Variants in KLHL14 observed in about 807,000 individuals in gnomAD.
The protein encoded by KLHL14 is kelch like family member 14, also known as kelch-like protein 14.
A neutral mutation model predicts 64.3 loss-of-function variants in KLHL14; 22 were observed. The ratio of observed to expected loss-of-function variants is 0.34; its 90% CI spans 0.24 to 0.49. The LOEUF (loss-of-function observed/expected upper bound fraction) is 0.49, where lower values mean the gene tolerates loss of function less well. Ranked by LOEUF, KLHL14 falls within the 20% of genes least tolerant of loss-of-function variation. The pLI is 0.99. For synonymous variants in KLHL14, 322 were observed against 333.4 expected (o/e 0.97, Z 0.37); for missense variants, 661 against 789.0 (o/e 0.84, Z 1.94).
At chr18:32,716,673 C>G (rs1239832873) in intron 3 of KLHL14, among the ~76,000 whole-genome samples, 1 of 152,170 alleles carries the variant, frequency 6.6e-6, no homozygotes, top group Non-Finnish European at 1.5e-5. Flanking sequence ...CCCACCTCGG[C>G]CTCCCAAAGT....
chr18:32,759,220 A>G (rs549763243), intron 2 of KLHL14, among the ~76,000 whole-genome samples: 12 of 152,322 alleles, frequency 7.9e-5, no homozygotes, highest in African/African-American at 2.4e-4. Flanking sequence ...CTTGGGATCT[A>G]TATATCACTC....
intron 3 of KLHL14, among the ~76,000 whole-genome samples, chr18:32,741,629 AC>A (rs1284144614): frequency 6.6e-6 from 1 of 152,226 alleles, no homozygotes; most frequent in Non-Finnish European, 1.5e-5. Flanking sequence ...AACAAAAAGA[AC>A]AGAAGAATTT....
Position 32,769,910 on chromosome 18 carries a change from G to A in KLHL14, c.682C>T (p.Leu228=). 6.2e-7 allele frequency: 1 copy of A among 1,614,178 alleles called. No individual in the cohort carries two copies. The highest frequency in any genetic ancestry group is 8.5e-7 in the Non-Finnish European group (1 of 1,180,052). The stretch of plus-strand genomic sequence containing the variant: ...AGCTCCGACTCCACGGGGGGCGGCA[G>A]CGAGTCCAGCAGGGCGCGCATCTCC... ...FEEMRALLDS[L]PPPVESELAL... The change falls in exon 2 of 9, where the codon CTG becomes TTG. Residue 228 remains leucine, a synonymous_variant. Coordinates refer to ENST00000359358, the MANE Select transcript of KLHL14 (RefSeq NM_020805.3).
Position 32,714,972 on chromosome 18 carries a change from C to T in KLHL14, c.1070-19420G>A, listed in dbSNP as rs562991087. Among the ~76,000 whole-genome samples, 8 of 151,664 alleles carry T rather than the reference C, an allele frequency of 5.3e-5. No individual in the cohort carries two copies. In the South Asian group the frequency reaches 6.3e-4, roughly 12 times the overall value. On this transcript the variant is annotated intron_variant, in intron 3 of 8. Coordinates refer to ENST00000359358, the MANE Select transcript of KLHL14 (RefSeq NM_020805.3). ...TTGACTCTACTCTTCCTTAGTATAC[C>T]AAATATTTGAGCTGGACCAAAATCT...
At chr18:32,682,162 T>C (rs1358601049) in intron 5 of KLHL14, among the ~76,000 whole-genome samples, 5 of 152,244 alleles carry the variant, frequency 3.3e-5, no homozygotes, top group Non-Finnish European at 5.9e-5. Context: ...TTTGTTTAGA[T>C]AATTTGTTAC....
chr18:32,741,820 C>CA, intron 3 of KLHL14, 108 bp downstream of exon 3: 2 of 1,258,154 alleles, frequency 1.6e-6, no homozygotes, highest in Non-Finnish European at 2.1e-6. Flanking sequence ...CAAAGGGGAA[C>CA]AAATCAATAA....
intron 4 of KLHL14, among the ~76,000 whole-genome samples, chr18:32,691,079 A>G (rs1447942826): frequency 6.6e-6 from 1 of 152,192 alleles, no homozygotes; most frequent in African/African-American, 2.4e-5. Flanking sequence ...TCTTACGTCA[A>G]GTTCCAAGGT....
Position 32,677,242 on chromosome 18 carries a change from A to G in KLHL14, c.1677T>C (p.Gly559=), listed in dbSNP as rs774399370. ...WNILQTPILE[G]RSGPGCAVLD... is the part of the protein sequence containing the mutation. ...GCACTGCACAGCCAGGGCCACTTCG[A>G]CCCTCCAAAATGGGAGTTTGGAGTA... The change falls in exon 8 of 9, where the codon GGT becomes GGC. Residue 559 remains glycine (G), a synonymous_variant. Transcript: ENST00000359358. 2 of 1,613,466 alleles carry G rather than the reference A, an allele frequency of 1.2e-6. No individual in the cohort carries two copies. The highest frequency in any genetic ancestry group is 1.3e-5 in the African/African-American group (1 of 74,860).
intron 1 of KLHL14, chr18:32,771,008 T>A (rs766451329): frequency 2.5e-6 from 1 of 392,724 alleles, no homozygotes. Context: ...AGGCACCTCG[T>A]GGGCTCGTGT....
At chr18:32,769,542 G>A (rs974266847) in intron 2 of KLHL14, 103 bp downstream of exon 2, 2 of 1,040,180 alleles carry the variant, frequency 1.9e-6, no homozygotes, top group Admixed American at 3.0e-5. Context: ...AGAGCCACCC[G>A]CCCAGGCCAC....
At chr18:32,717,549 G>A (rs899424729) in intron 3 of KLHL14, among the ~76,000 whole-genome samples, 13 of 152,122 alleles carry the variant, frequency 8.5e-5, no homozygotes, top group African/African-American at 3.1e-4. Context: ...GCCAAGGATT[G>A]GGCATACGTA....
chr18:32,694,310 A>G (rs897840938), intron 4 of KLHL14, among the ~76,000 whole-genome samples: 8 of 152,242 alleles, frequency 5.3e-5, no homozygotes, highest in Non-Finnish European at 1.0e-4. Flanking sequence ...CTAAAGAAGG[A>G]TAAGTTAAAT....
At chr18:32,694,325 A>C (rs2049926886) in intron 4 of KLHL14, among the ~76,000 whole-genome samples, 1 of 152,234 alleles carries the variant, frequency 6.6e-6, no homozygotes, top group Non-Finnish European at 1.5e-5. Flanking sequence ...TTAAATAGTA[A>C]ATGAGGAGTT....
intron 3 of KLHL14, among the ~76,000 whole-genome samples, chr18:32,719,990 G>C (rs1345346115): frequency 2.6e-5 from 4 of 152,178 alleles, no homozygotes; most frequent in African/African-American, 9.7e-5. Flanking sequence ...TTAATAATGT[G>C]GGCCATGTCG....
At chr18:32,703,315 A>T (rs1326586038) in intron 3 of KLHL14, among the ~76,000 whole-genome samples, 2 of 152,232 alleles carry the variant, frequency 1.3e-5, no homozygotes. Context: ...ATGCTAGCTA[A>T]GAGACTATGG....
chr18:32,693,413 C>CACACACAG (rs1229737083), intron 4 of KLHL14, among the ~76,000 whole-genome samples: 17 of 97,032 alleles, frequency 1.8e-4, no homozygotes, highest in African/African-American at 7.7e-4. Context: ...CACACACACA[C>CACACACAG]AGAGAGAGAG....
chr18:32,769,555 A>C (rs2050365416), intron 2 of KLHL14, 90 bp downstream of exon 2: 30 of 956,334 alleles, frequency 3.1e-5, no homozygotes, highest in East Asian at 1.6e-4. Context: ...CAGGCCACCC[A>C]TCTCTTCCCT....
intron 2 of KLHL14, among the ~76,000 whole-genome samples, chr18:32,756,040 A>C (rs1325156339): frequency 1.3e-5 from 2 of 152,160 alleles, no homozygotes. Flanking sequence ...TTTGTTACGG[A>C]CCAAACTGTG....
intron 8 of KLHL14, among the ~76,000 whole-genome samples, chr18:32,675,825 A>G (rs116254361): frequency 0.013 from 2,048 of 152,316 alleles, 50 homozygotes; most frequent in African/African-American, 0.046. Flanking sequence ...CAAGCAAACA[A>G]GTGCACATAT....
Sources: gnomAD v4.1 joint callset for allele counts (sites outside exome capture counted in the v4.1 genomes callset) on GRCh38, gnomAD v4.1.1 for gene constraint, MANE v1.5 for transcripts, NCBI Gene and HGNC (gene_info 2026-07-23, HGNC 2026-07-21) for gene names.